GC: variants seen among roughly 807,000 people sequenced by gnomAD.
The protein encoded by GC is vitamin D-binding protein.
GC carries 43 observed loss-of-function variants against 56.7 expected under a neutral mutation model. That is an observed-to-expected ratio of 0.76 (90% confidence interval 0.59 to 0.98). The LOEUF is 0.98. Ranked by LOEUF, GC falls within the 50% of genes least tolerant of loss-of-function variation. GC has a pLI of 0.00. For missense variants in GC, 529 were observed against 545.9 expected, an observed-to-expected ratio of 0.97 and a Z score of 0.31; for synonymous variants, 216 against 202.7, an observed-to-expected ratio of 1.07 and a Z score of -0.56.
intron 4 of GC, among the ~76,000 whole-genome samples, chr4:71,764,890 T>G (rs907322180): frequency 1.3e-5 from 2 of 152,174 alleles, no homozygotes; most frequent in African/African-American, 4.8e-5. Context: ...ACATAAAGAT[T>G]CAGTGTATAA....
chr4:71,749,772 T>C (rs886459303), intron 11 of GC, among the ~76,000 whole-genome samples: 2 of 152,210 alleles, frequency 1.3e-5, no homozygotes, highest in Non-Finnish European at 2.9e-5. Context: ...CTTAAGTAGT[T>C]TGAATTTTAA....
chr4:71,795,510 T>C (rs967310015), intron 1 of GC, among the ~76,000 whole-genome samples: 4 of 152,212 alleles, frequency 2.6e-5, no homozygotes, highest in African/African-American at 9.7e-5. Flanking sequence ...ATTTGCTTGG[T>C]AGATCTTCCT....
At chr4:71,781,666 T>G (rs1035586602) in intron 1 of GC, among the ~76,000 whole-genome samples, 1 of 151,856 alleles carries the variant, frequency 6.6e-6, no homozygotes, top group African/African-American at 2.4e-5. Flanking sequence ...ATTTCATCCA[T>G]TTCAGTCCTA....
rs772374799 is a variant in GC at position 71,763,425 on chromosome 4, C to T, written c.684G>A (p.Glu228=). The T allele has an allele frequency of 3.1e-6, 5 of 1,589,784 alleles. No homozygotes were observed. The highest frequency in any genetic ancestry group is 1.3e-5 in the African/African-American group (1 of 74,514). ...RVCSQYAAYG[E]KKSRLSNLIK... ...ATCTTTACCTGAGCCTTGATTTCTTCTCCCCATAAGCAGCATATTGTGAGC... is the reference window on the plus strand; with the variant it reads ...ATCTTTACCTGAGCCTTGATTTCTTTTCCCCATAAGCAGCATATTGTGAGC... Residue 228 remains glutamate (E), a synonymous_variant, in exon 6 of 13, where the codon GAG becomes GAA. Transcript: ENST00000273951.
chr4:71,800,067 C>CT (rs36039057), intron 1 of GC, among the ~76,000 whole-genome samples: 40 of 148,900 alleles, frequency 2.7e-4, no homozygotes, highest in African/African-American at 8.4e-4. Flanking sequence ...ACTTCACTTC[C>CT]TTTTTTTTTT....
At chr4:71,754,944 T>C (rs1421469652) in intron 9 of GC, 34 bp downstream of exon 9, 2 of 1,494,540 alleles carry the variant, frequency 1.3e-6, no homozygotes, top group Non-Finnish European at 1.8e-6. Flanking sequence ...ACCCTTGATC[T>C]ATGTGCTTGA....
intron 11 of GC, among the ~76,000 whole-genome samples, chr4:71,748,075 T>C (rs844806): frequency 0.6 from 91,474 of 152,000 alleles, 27,756 homozygotes; most frequent in Admixed American, 0.65. Context: ...TTTAGATTTT[T>C]CTAACATCAT....
intron 7 of GC, 125 bp downstream of exon 7, chr4:71,757,917 T>C (rs1434709900): frequency 1.0e-5 from 7 of 671,572 alleles, no homozygotes; most frequent in Non-Finnish European, 1.5e-5. Flanking sequence ...TTATATTTCA[T>C]AGAATACATG....
intron 12 of GC, among the ~76,000 whole-genome samples, chr4:71,744,375 C>A (rs1158529367): frequency 1.4e-5 from 2 of 142,800 alleles, no homozygotes; most frequent in African/African-American, 5.3e-5. Flanking sequence ...AGGAGAATGG[C>A]GTGAACCCAG....
exon 1 of GC, chr4:71,803,979 C>A: frequency 7.1e-7 from 1 of 1,403,254 alleles, no homozygotes; most frequent in Non-Finnish European, 9.8e-7. Flanking sequence ...AGATCATCAC[C>A]AGTGGTAGAA....
At chr4:71,764,961 G>A (rs964903243) in intron 4 of GC, among the ~76,000 whole-genome samples, 5 of 152,266 alleles carry the variant, frequency 3.3e-5, no homozygotes, top group African/African-American at 1.2e-4. Flanking sequence ...ACTTGATGTA[G>A]TAGATGTGTC....
chr4:71,776,888 C>A (rs115366859), intron 1 of GC, among the ~76,000 whole-genome samples: 1 of 151,658 alleles, frequency 6.6e-6, no homozygotes, highest in African/African-American at 2.4e-5. Flanking sequence ...CTGTATAAAC[C>A]GAAATCAAAT....
chr4:71,763,773 G>T (rs200908798), intron 5 of GC, 31 bp downstream of exon 5: 1 of 1,559,292 alleles, frequency 6.4e-7, no homozygotes, highest in Non-Finnish European at 8.7e-7. Context: ...AGAAAAAAAC[G>T]TAAACATATA....
chr4:71,785,253 A>T (rs1448092351), upstream of GC, among the ~76,000 whole-genome samples: 1 of 151,586 alleles, frequency 6.6e-6, no homozygotes, highest in Non-Finnish European at 1.5e-5. Flanking sequence ...GTCACCTATT[A>T]CTCTTATTCT....
At chr4:71,759,685 A>G (rs1413242584) in intron 6 of GC, 3 of 151,700 alleles carry the variant, frequency 2.0e-5, no homozygotes, top group Non-Finnish European at 2.9e-5. Flanking sequence ...ACATTAGTAT[A>G]TTTTGTTTCA....
intron 2 of GC, among the ~76,000 whole-genome samples, 182 bp from the exon 3 acceptor site, chr4:71,768,615 A>G (rs1742247761): frequency 6.6e-6 from 1 of 152,050 alleles, no homozygotes; most frequent in Non-Finnish European, 1.5e-5. Flanking sequence ...ACAGGTGTGC[A>G]CCAATACGCC....
At chr4:71,772,335 A>G (rs1742368690) in intron 1 of GC, among the ~76,000 whole-genome samples, 1 of 152,148 alleles carries the variant, frequency 6.6e-6, no homozygotes, top group Non-Finnish European at 1.5e-5. Context: ...TTTTATTAGT[A>G]CTTCTCTTGT....
At chr4:71,791,847 G>A (rs1742975445) in intron 1 of GC, among the ~76,000 whole-genome samples, 1 of 152,032 alleles carries the variant, frequency 6.6e-6, no homozygotes, top group African/African-American at 2.4e-5. Flanking sequence ...CCCTGTGTGT[G>A]ATGCTCCCCG....
At chr4:71,797,932 T>C (rs1390711909) in intron 1 of GC, among the ~76,000 whole-genome samples, 2 of 152,262 alleles carry the variant, frequency 1.3e-5, no homozygotes, top group Non-Finnish European at 2.9e-5. Context: ...TTTCCTGCCC[T>C]GTTCTCACTT....
Sources: gnomAD v4.1 joint callset for allele counts (sites outside exome capture counted in the v4.1 genomes callset) on GRCh38, gnomAD v4.1.1 for gene constraint, MANE v1.5 for transcripts, NCBI Gene and HGNC (gene_info 2026-07-23, HGNC 2026-07-21) for gene names.